The following EPN2 variants were observed in gnomAD, a reference collection of about 807,000 sequenced individuals.
EPN2 encodes epsin-2.
EPN2 carries 34 observed loss-of-function variants against 61.7 expected under a neutral mutation model. That is an observed-to-expected ratio of 0.55 (90% CI 0.42 to 0.73). The LOEUF (loss-of-function observed/expected upper bound fraction) is 0.73, where lower values mean the gene tolerates loss of function less well. Among genes scored for constraint, EPN2 ranks in the 30% least tolerant of loss-of-function variants. The probability of loss-of-function intolerance (pLI) is 0.00; values close to 1 mark genes in which losing one functional copy is unlikely to be tolerated. For synonymous variants in EPN2, 349 were observed against 353.6 expected, an observed-to-expected ratio of 0.99 and a Z score of 0.15; for missense variants, 714 against 839.2, an observed-to-expected ratio of 0.85 and a Z score of 1.84.
rs767935518 is a variant in EPN2 at position 19,334,230 on chromosome 17, C to T, written c.1902C>T (p.Gly634=). The T allele has an allele frequency of 6.7e-7, 1 of 1,486,886 alleles. No homozygotes were observed. Among genetic ancestry groups the T allele is most frequent in the Non-Finnish European group, 9.0e-7 (1 of 1,107,102 alleles). 92.1% of individuals were successfully genotyped at this position (1,486,886 alleles called of 1,614,324 possible). The change falls in exon 11 of 11, where the codon GGC becomes GGT. Residue 634 remains glycine, a synonymous_variant. Transcript: ENST00000314728. The surrounding 1 kb of genome is among the most constrained non-coding windows in gnomAD (Gnocchi z 4.9). ...GIPPSAAQAT[G]TTNPFLL ...CCCCATCAGCAGCCCAGGCCACTGG[C>T]ACAACCAACCCTTTCCTTCTCTAGT...
At chr17:19,241,022 T>G (rs945618425) in intron 1 of EPN2, among the ~76,000 whole-genome samples, 5 of 152,192 alleles carry the variant, frequency 3.3e-5, no homozygotes, top group African/African-American at 1.2e-4. Context: ...GTGAGGAAAC[T>G]GAGGCCTAGG....
chr17:19,250,196 G>A (rs2044999249), intron 1 of EPN2, among the ~76,000 whole-genome samples: 1 of 152,024 alleles, frequency 6.6e-6, no homozygotes, highest in Non-Finnish European at 1.5e-5. Flanking sequence ...CCTGGTTCAA[G>A]GGATTCTCCT....
At chr17:19,315,773 C>T (rs1906354522) in intron 7 of EPN2, among the ~76,000 whole-genome samples, 1 of 152,350 alleles carries the variant, frequency 6.6e-6, no homozygotes, top group Admixed American at 6.5e-5. Context: ...GCATGAGGCA[C>T]CGCTCCTGGC....
intron 8 of EPN2, 33 bp from the exon 9 acceptor site, chr17:19,329,528 T>C: frequency 1.4e-6 from 2 of 1,409,932 alleles, no homozygotes; most frequent in East Asian, 2.3e-5. Context: ...TCCTGTGAGA[T>C]GCCCCCAGTC....
chr17:19,267,698 A>G (rs1249186139), intron 1 of EPN2, among the ~76,000 whole-genome samples: 2 of 152,168 alleles, frequency 1.3e-5, no homozygotes, highest in African/African-American at 4.8e-5. Context: ...GCGCATTACC[A>G]CACCCGGCTA....
At chr17:19,311,163 G>C (rs1039802415) in intron 5 of EPN2, among the ~76,000 whole-genome samples, 7 of 152,210 alleles carry the variant, frequency 4.6e-5, no homozygotes, top group African/African-American at 9.7e-5. Flanking sequence ...CTAAAGCTCA[G>C]TGACAGTGGG....
rs1349807566 is a variant in EPN2 at position 19,332,155 on chromosome 17, G to T, written c.1627+87G>T. 4.9e-6 allele frequency: 5 copies of T among 1,012,896 alleles called. No homozygotes were observed. The Admixed American group carries it at 9.5e-5, about 19-fold the overall frequency. 62.7% of individuals were successfully genotyped at this position (1,012,896 alleles called of 1,614,324 possible). ...GCCTCTTGGGGGCTCTTCCCACTGT[G>T]TGACGGGGAAGGGGTGGGACTAGCT... On this transcript the variant is annotated intron_variant, in intron 10 of 10. Transcript: ENST00000314728.
chr17:19,297,915 GTCTCACTCT>G (rs2045536558), intron 4 of EPN2, among the ~76,000 whole-genome samples: 1 of 152,128 alleles, frequency 6.6e-6, no homozygotes, highest in African/African-American at 2.4e-5. Context: ...TTGAGACAGA[GTCTCACTCT>G]GTCACCCAGT....
At chr17:19,273,728 G>A (rs879213624) in intron 1 of EPN2, among the ~76,000 whole-genome samples, 1 of 152,190 alleles carries the variant, frequency 6.6e-6, no homozygotes, top group Non-Finnish European at 1.5e-5. Context: ...CTTTCAGTTA[G>A]TGAAGATGTT....
chr17:19,291,533 G>T (rs1443115138), intron 4 of EPN2, among the ~76,000 whole-genome samples: 1 of 139,884 alleles, frequency 7.1e-6, no homozygotes, highest in Non-Finnish European at 1.5e-5. Flanking sequence ...CGCTTCCTGG[G>T]TTCACGCCGT....
chr17:19,254,089 G>A (rs964227325), intron 1 of EPN2, among the ~76,000 whole-genome samples: 1 of 145,430 alleles, frequency 6.9e-6, no homozygotes, highest in Admixed American at 6.9e-5. Context: ...CCATGATCAC[G>A]CCACCGTACT....
intron 2 of EPN2, chr17:19,282,378 A>G (rs959838928): frequency 1.3e-5 from 2 of 152,254 alleles, no homozygotes; most frequent in Admixed American, 6.5e-5. Flanking sequence ...ACAGTGGACC[A>G]AAGCAGTTTT....
intron 4 of EPN2, among the ~76,000 whole-genome samples, chr17:19,300,055 C>G (rs967351643): frequency 3.3e-5 from 5 of 152,214 alleles, no homozygotes; most frequent in African/African-American, 9.6e-5. Context: ...GAACATGCAG[C>G]TACAGGTGAT....
chr17:19,303,619 C>T (rs1297651564), intron 4 of EPN2, among the ~76,000 whole-genome samples: 1 of 152,220 alleles, frequency 6.6e-6, no homozygotes, highest in African/African-American at 2.4e-5. Context: ...ACCTGACAGG[C>T]AGCCCTCCCA....
intron 4 of EPN2, among the ~76,000 whole-genome samples, chr17:19,286,394 A>G (rs2045405334): frequency 6.6e-6 from 1 of 152,170 alleles, no homozygotes; most frequent in African/African-American, 2.4e-5. Flanking sequence ...TACCTAATTC[A>G]ATGGGTAACT....
intron 9 of EPN2, 122 bp downstream of exon 9, chr17:19,329,769 T>G: frequency 1.6e-6 from 1 of 644,646 alleles, no homozygotes; most frequent in Non-Finnish European, 2.7e-6. Context: ...TATTTTGATC[T>G]TGGGAGCCTG....
chr17:19,321,225 C>T (rs1906622421), intron 7 of EPN2, among the ~76,000 whole-genome samples: 1 of 152,114 alleles, frequency 6.6e-6, no homozygotes, highest in South Asian at 2.1e-4. Context: ...CTCAGCTTGA[C>T]CCAGTGGCTA....
intron 1 of EPN2, among the ~76,000 whole-genome samples, chr17:19,254,117 G>T (rs2045046801): frequency 7.0e-6 from 1 of 142,006 alleles, no homozygotes; most frequent in Non-Finnish European, 1.5e-5. Flanking sequence ...GGGCGACAGA[G>T]CAAGAATCTG....
intron 7 of EPN2, among the ~76,000 whole-genome samples, chr17:19,326,279 A>G (rs1906861248): frequency 6.6e-6 from 1 of 152,222 alleles, no homozygotes; most frequent in East Asian, 1.9e-4. Flanking sequence ...ACTTGACAAG[A>G]TGATTTTGAG....
Sources: gnomAD v4.1 joint callset for allele counts (sites outside exome capture counted in the v4.1 genomes callset) on GRCh38, gnomAD v4.1.1 for gene constraint, Gnocchi (gnomAD v3.1) non-coding constraint, MANE v1.5 for transcripts, NCBI Gene and HGNC (gene_info 2026-07-23, HGNC 2026-07-21) for gene names.